Variants in ZNF407 observed in about 807,000 individuals in gnomAD.
The protein encoded by ZNF407 is zinc finger protein 407.
In ZNF407, 17 loss-of-function variants were observed where a neutral mutation model predicts 131.2. The ratio of observed to expected loss-of-function variants is 0.13; its 90% CI spans 0.09 to 0.19. ZNF407 has a LOEUF of 0.19. Ranked by LOEUF, ZNF407 falls within the 10% of genes least tolerant of loss-of-function variation. The probability of loss-of-function intolerance (pLI) is 1.00; values close to 1 mark genes in which losing one functional copy is unlikely to be tolerated. For missense variants in ZNF407, 2,681 were observed against 2,830.6 expected (o/e 0.95, Z 1.20); for synonymous variants, 1,156 against 1,062.0 (o/e 1.09, Z -1.72).
chr18:75,005,030 G>A (rs1248110813), intron 8 of ZNF407, among the ~76,000 whole-genome samples: 1 of 152,292 alleles, frequency 6.6e-6, no homozygotes, highest in East Asian at 1.9e-4. Flanking sequence ...ATGACATATT[G>A]TGTGTCTCAG....
intron 7 of ZNF407, among the ~76,000 whole-genome samples, chr18:74,895,838 G>A (rs1420946979): frequency 6.6e-6 from 1 of 152,102 alleles, no homozygotes; most frequent in African/African-American, 2.4e-5. Flanking sequence ...GAGTTAGGGC[G>A]ACTCACTCCA....
chr18:74,693,671 A>C (rs1967283496), intron 3 of ZNF407, among the ~76,000 whole-genome samples: 1 of 152,118 alleles, frequency 6.6e-6, no homozygotes. Flanking sequence ...GCTTTTCAGC[A>C]ATTAGTATTT....
At chr18:74,827,765 G>A (rs1256570283) in intron 4 of ZNF407, among the ~76,000 whole-genome samples, 2 of 152,114 alleles carry the variant, frequency 1.3e-5, no homozygotes, top group African/African-American at 2.4e-5. Flanking sequence ...ACAAAGCTGC[G>A]AGGTTTGCAC....
chr18:74,889,629 C>G (rs528647386), intron 6 of ZNF407, among the ~76,000 whole-genome samples: 2 of 152,112 alleles, frequency 1.3e-5, no homozygotes, highest in Admixed American at 1.3e-4. Context: ...ATTCTAAATA[C>G]AGTGCTGAAC....
chr18:74,663,732 C>G (rs1985812801), intron 3 of ZNF407, among the ~76,000 whole-genome samples: 1 of 152,108 alleles, frequency 6.6e-6, no homozygotes, highest in Admixed American at 6.5e-5. Flanking sequence ...AAGAAGGTGA[C>G]AAGATGCTGG....
Position 74,635,291 on chromosome 18 carries a change from T to C in ZNF407, c.4272T>C (p.Asp1424=), listed in dbSNP as rs1180791504. The C allele has an allele frequency of 6.2e-7, 1 of 1,614,054 alleles. No homozygotes were observed. Among genetic ancestry groups the C allele is most frequent in the Non-Finnish European group, 8.5e-7 (1 of 1,179,894 alleles). ...GTGATGATTGTGGCTTCTTAGCAGA[T>C]GGACTGAGTGGACTGAATGTTCACA... The part of the protein sequence containing the change: ...IRCDDCGFLA[D]GLSGLNVHIA... Residue 1424 remains aspartate, a synonymous_variant, in exon 2 of 9, where the codon GAT becomes GAC. Transcript: ENST00000299687. The surrounding 1 kb of genome is among the most constrained non-coding windows in gnomAD (Gnocchi z 4.7).
At chr18:75,058,613 G>A (rs754383914) in intron 8 of ZNF407, among the ~76,000 whole-genome samples, 5 of 152,190 alleles carry the variant, frequency 3.3e-5, no homozygotes, top group Non-Finnish European at 7.3e-5. Context: ...TTAAGGCTTT[G>A]TGCGATTTTG....
chr18:74,869,910 T>C (rs1339239630), intron 4 of ZNF407, among the ~76,000 whole-genome samples: 1 of 152,214 alleles, frequency 6.6e-6, no homozygotes, highest in African/African-American at 2.4e-5. Flanking sequence ...CTGGTGAGTA[T>C]TGGATGCATA....
chr18:74,877,147 G>A (rs1568251578), intron 4 of ZNF407, 50 bp from the exon 5 acceptor site: 1 of 1,571,922 alleles, frequency 6.4e-7, no homozygotes, highest in Non-Finnish European at 8.7e-7. Context: ...GGGGCCTTCG[G>A]TGCTGGTGTG....
At chr18:74,682,386 T>C (rs1347241300) in intron 3 of ZNF407, among the ~76,000 whole-genome samples, 1 of 152,226 alleles carries the variant, frequency 6.6e-6, no homozygotes, top group Non-Finnish European at 1.5e-5. Context: ...CCTCCCTTTT[T>C]TCTACGGCAT....
intron 3 of ZNF407, among the ~76,000 whole-genome samples, chr18:74,652,694 C>T (rs566889276): frequency 1.3e-5 from 2 of 152,020 alleles, no homozygotes; most frequent in South Asian, 2.1e-4. Context: ...TTACAACTTC[C>T]CGAGGTGCTT....
At chr18:74,947,699 C>T (rs934738499) in intron 8 of ZNF407, among the ~76,000 whole-genome samples, 1 of 150,696 alleles carries the variant, frequency 6.6e-6, no homozygotes, top group Non-Finnish European at 1.5e-5. Context: ...GAGTCAGCCT[C>T]ACTCAACTGA....
chr18:74,688,842 T>C (rs1568167548), intron 3 of ZNF407, among the ~76,000 whole-genome samples: 1 of 152,162 alleles, frequency 6.6e-6, no homozygotes, highest in Non-Finnish European at 1.5e-5. Flanking sequence ...ATCTTTCTTT[T>C]TTTTCAGACA....
chr18:74,898,212 T>C (rs1013369624), intron 7 of ZNF407: 9 of 152,208 alleles, frequency 5.9e-5, no homozygotes, highest in African/African-American at 2.2e-4. Flanking sequence ...CTGCCTTCTG[T>C]GTGGTAGCAT....
chr18:74,772,052 G>C (rs758848632), intron 3 of ZNF407, among the ~76,000 whole-genome samples: 5 of 152,144 alleles, frequency 3.3e-5, no homozygotes, highest in Non-Finnish European at 7.4e-5. Flanking sequence ...GTGGTGGAGA[G>C]ACTTCTGTAT....
chr18:75,023,784 A>T (rs1973139726), intron 8 of ZNF407, among the ~76,000 whole-genome samples: 1 of 152,164 alleles, frequency 6.6e-6, no homozygotes, highest in Non-Finnish European at 1.5e-5. Flanking sequence ...ATTCAATAGA[A>T]CCTACTTTAA....
chr18:75,004,987 A>G (rs1462013035), intron 8 of ZNF407, among the ~76,000 whole-genome samples: 1 of 152,214 alleles, frequency 6.6e-6, no homozygotes, highest in Admixed American at 6.5e-5. Flanking sequence ...AGATATTGAC[A>G]GTCTGTGCTT....
At chr18:74,964,862 C>T (rs1197139574) in intron 8 of ZNF407, among the ~76,000 whole-genome samples, 4 of 152,136 alleles carry the variant, frequency 2.6e-5, no homozygotes, top group Non-Finnish European at 4.4e-5. Context: ...GCTCCCTACC[C>T]TCCCTTTAGA....
At chr18:74,874,888 A>G (rs1407469493) in intron 4 of ZNF407, among the ~76,000 whole-genome samples, 1 of 152,092 alleles carries the variant, frequency 6.6e-6, no homozygotes, top group Non-Finnish European at 1.5e-5. Flanking sequence ...GTGGGTATTC[A>G]GGTGTTTCTG....
Sources: allele counts gnomAD v4.1 joint callset (sites outside exome capture counted in the v4.1 genomes callset), GRCh38; gene constraint gnomAD v4.1.1; non-coding constraint Gnocchi (gnomAD v3.1); transcripts MANE v1.5; gene names NCBI Gene and HGNC (gene_info 2026-07-23, HGNC 2026-07-21).